Variants in PTPDC1 observed in about 807,000 individuals in gnomAD.
PTPDC1 encodes the protein protein tyrosine phosphatase domain containing 1, also known as protein tyrosine phosphatase domain-containing protein 1.
PTPDC1 carries 53 observed loss-of-function variants against 75.3 expected under a neutral mutation model. That is an observed-to-expected ratio of 0.70 (90% CI 0.56 to 0.88). PTPDC1 has a LOEUF of 0.88. Ranked by LOEUF, PTPDC1 falls within the 40% of genes least tolerant of loss-of-function variation. PTPDC1 has a pLI of 0.00. For synonymous variants in PTPDC1, 349 were observed against 366.2 expected (o/e 0.95, Z 0.54); for missense variants, 925 against 998.6 (o/e 0.93, Z 0.99).
intron 2 of PTPDC1, among the ~76,000 whole-genome samples, chr9:94,085,896 G>C (rs1827057440): frequency 6.6e-6 from 1 of 152,134 alleles, no homozygotes. Context: ...GGTACAAGTT[G>C]TCAGCTCAGT....
At chr9:94,104,647 AAG>A (rs754960945) in intron 8 of PTPDC1, among the ~76,000 whole-genome samples, 18 of 152,352 alleles carry the variant, frequency 1.2e-4, no homozygotes, top group Non-Finnish European at 2.2e-4. Flanking sequence ...ATATAAAAGA[AAG>A]AGAGAAACAA....
upstream of PTPDC1, among the ~76,000 whole-genome samples, chr9:94,084,207 A>T (rs1015260879): frequency 6.6e-6 from 1 of 152,222 alleles, no homozygotes; most frequent in Non-Finnish European, 1.5e-5. Context: ...TCACTACAGT[A>T]TTTTGGGGAG....
chr9:94,097,417 C>T lies in PTPDC1; in HGVS notation c.851C>T (p.Thr284Ile). The T allele has an allele frequency of 6.2e-7, 1 of 1,613,876 alleles. No individual in the cohort carries two copies. The highest frequency in any genetic ancestry group is 8.5e-7 in the Non-Finnish European group (1 of 1,179,756). Residue 284 changes from threonine (T) to isoleucine (I), a missense_variant, in exon 6 of 9, where the codon ACC becomes ATC. Thr to Ile is a moderately conservative substitution (Grantham distance 89). Coordinates refer to ENST00000620992, the MANE Select transcript of PTPDC1 (RefSeq NM_001253829.2). ...GCAAAGCGACCCAATTCCATACAAA[C>T]CAGAGGACAGCTCCTCTGTGTAAGG... Reference protein sequence around the residue: ...VRAKRPNSIQTRGQLLCVREF... With the variant: ...VRAKRPNSIQIRGQLLCVREF...
intron 4 of PTPDC1, among the ~76,000 whole-genome samples, chr9:94,091,229 A>T (rs2118012223): frequency 6.6e-6 from 1 of 152,080 alleles, no homozygotes; most frequent in Admixed American, 6.5e-5. Context: ...TGTCATAGAT[A>T]GCTCTTATTA....
At chr9:94,097,204 C>G (rs1486893170) in intron 5 of PTPDC1, 117 bp from the exon 6 acceptor site, 2 of 715,634 alleles carry the variant, frequency 2.8e-6, no homozygotes, top group Non-Finnish European at 4.6e-6. Context: ...TAAAATGTGT[C>G]TCTATTTATA....
chr9:94,045,916 G>A (rs561982085), intron 1 of PTPDC1, among the ~76,000 whole-genome samples: 252 of 152,304 alleles, frequency 1.7e-3, no homozygotes, highest in African/African-American at 5.8e-3. Context: ...TGAAGTCCTT[G>A]CTCATGCTTA....
At chr9:94,091,859 G>A (rs2118016533) in intron 4 of PTPDC1, among the ~76,000 whole-genome samples, 1 of 152,200 alleles carries the variant, frequency 6.6e-6, no homozygotes, top group Admixed American at 6.5e-5. Flanking sequence ...AGATTTTCTA[G>A]TTTATTTGCA....
intron 4 of PTPDC1, among the ~76,000 whole-genome samples, chr9:94,095,041 C>T (rs1827502791): frequency 1.3e-5 from 2 of 152,244 alleles, no homozygotes; most frequent in African/African-American, 4.8e-5. Flanking sequence ...CCGTCTTCTG[C>T]GTCGCTCACG....
intron 1 of PTPDC1, among the ~76,000 whole-genome samples, chr9:94,061,926 C>T (rs1205316670): frequency 6.6e-6 from 1 of 152,222 alleles, no homozygotes; most frequent in Non-Finnish European, 1.5e-5. Context: ...GTGCAAATTT[C>T]TGCAGCCTGC....
At chr9:94,087,748 C>G (rs567418185) in intron 2 of PTPDC1, 83 bp from the exon 3 acceptor site, 1 of 874,602 alleles carries the variant, frequency 1.1e-6, no homozygotes, top group East Asian at 2.5e-5. Flanking sequence ...TAGAAAAAAT[C>G]ATCTCTCAGG....
At chr9:94,094,907 A>C (rs1047153066) in intron 4 of PTPDC1, among the ~76,000 whole-genome samples, 1 of 152,182 alleles carries the variant, frequency 6.6e-6, no homozygotes, top group South Asian at 2.1e-4. Flanking sequence ...GCGCTTCCCA[A>C]GTGAGGCAGT....
At chr9:94,072,515 T>C (rs1048744451) in intron 2 of PTPDC1, among the ~76,000 whole-genome samples, 4 of 148,338 alleles carry the variant, frequency 2.7e-5, no homozygotes, top group African/African-American at 1.1e-4. Context: ...CCAATTCATA[T>C]GCTGTTATTT....
At chr9:94,031,993 C>A (rs1829736995) in intron 1 of PTPDC1, among the ~76,000 whole-genome samples, 1 of 152,224 alleles carries the variant, frequency 6.6e-6, no homozygotes, top group Non-Finnish European at 1.5e-5. Context: ...TATATACACA[C>A]ATACATATGT....
At chr9:94,040,851 G>A (rs1328261048) in intron 1 of PTPDC1, among the ~76,000 whole-genome samples, 1 of 152,120 alleles carries the variant, frequency 6.6e-6, no homozygotes, top group Non-Finnish European at 1.5e-5. Flanking sequence ...CCTAGGTGCT[G>A]ACCATCCTGA....
intron 1 of PTPDC1, chr9:94,037,975 C>T (rs1825321880): frequency 1.1e-5 from 3 of 282,472 alleles, no homozygotes; most frequent in Admixed American, 4.4e-5. Flanking sequence ...GAGAGTGGGA[C>T]GTCCGGCTTC....
Position 94,060,372 on chromosome 9 carries a change from G to C in PTPDC1, c.-6-4362G>C, listed in dbSNP as rs149442307. Among the ~76,000 whole-genome samples the C allele has an allele frequency of 1.3e-4, 20 of 152,298 alleles. No individual in the cohort carries two copies. The East Asian group carries it at 3.9e-3, about 29-fold the overall frequency. On this transcript the variant is annotated intron_variant, in intron 1 of 9. Coordinates refer to the PTPDC1 transcript ENST00000375360. ...TTAGGATTCTCCGAGAGGAACTTCT[G>C]AGGTTCCTTACAACTTAAAGTTTCT...
At chr9:94,069,316 C>G (rs973929844) in intron 2 of PTPDC1, among the ~76,000 whole-genome samples, 1 of 152,160 alleles carries the variant, frequency 6.6e-6, no homozygotes, top group Admixed American at 6.5e-5. Flanking sequence ...CATGCATACT[C>G]AAGTCTCACA....
At position 94,087,881 on chromosome 9, in the gene PTPDC1, A is replaced by G. The variant is rs1300812826; in HGVS notation, c.467A>G (p.Glu156Gly). Residue 156 changes from glutamate (E) to glycine (G), a missense_variant, in exon 3 of 9, where the codon GAG becomes GGG. By Grantham distance (98) the Glu-to-Gly change is moderately conservative. Transcript: ENST00000620992. ...GCCCGCCCATCCTCTGAGCTCCTGG[A>G]GAAGTACCACATCATTGATCAGTTC... is the stretch of plus-strand genomic sequence containing the variant. ...AMARPSSELL[E>G]KYHIIDQFLS... 1.9e-6 allele frequency: 3 copies of G among 1,613,754 alleles called. No homozygotes were observed. Among genetic ancestry groups the G allele is most frequent in the Non-Finnish European group, 2.5e-6 (3 of 1,179,772 alleles).
In PTPDC1 at chr9:94,085,345, C is replaced by T. The variant is rs781664782; in HGVS notation, c.339C>T (p.Gly113=). ...PGHMACSMAC[G]GRACKYENPA... ...ACATGGCATGTTCCATGGCGTGTGGCGGTAGAGCTTGCAAGTATGAGAACC... is the reference window on the plus strand; with the variant it reads ...ACATGGCATGTTCCATGGCGTGTGGTGGTAGAGCTTGCAAGTATGAGAACC... Residue 113 remains glycine, a synonymous_variant, in exon 2 of 9, where the codon GGC becomes GGT. Coordinates refer to ENST00000620992, the MANE Select transcript of PTPDC1 (RefSeq NM_001253829.2). 3.3e-5 allele frequency: 53 copies of T among 1,613,984 alleles called. No individual in the cohort carries two copies. The highest frequency in any genetic ancestry group is 1.6e-4 in the Middle Eastern group (1 of 6,084).
Sources: gnomAD v4.1 joint callset for allele counts (sites outside exome capture counted in the v4.1 genomes callset) on GRCh38, gnomAD v4.1.1 for gene constraint, MANE v1.5 for transcripts, NCBI Gene and HGNC (gene_info 2026-07-23, HGNC 2026-07-21) for gene names.